KCNT2: variants seen among roughly 807,000 people sequenced by gnomAD.
KCNT2 encodes the protein potassium sodium-activated channel subfamily T member 2, also known as potassium channel subfamily T member 2.
A neutral mutation model predicts 153.8 loss-of-function variants in KCNT2; 67 were observed. The observed-to-expected ratio is 0.44, with a 90% CI of 0.36 to 0.53. The LOEUF is 0.53. Ranked by LOEUF, KCNT2 falls within the 20% of genes least tolerant of loss-of-function variation. KCNT2 has a pLI of 0.00. For missense variants in KCNT2, 975 were observed against 1,354.8 expected (o/e 0.72, Z 4.40); for synonymous variants, 500 against 458.8 (o/e 1.09, Z -1.15).
At chr1:196,527,825 C>T (rs1212029670) in intron 1 of KCNT2, among the ~76,000 whole-genome samples, 1 of 152,188 alleles carries the variant, frequency 6.6e-6, no homozygotes, top group Non-Finnish European at 1.5e-5. Context: ...CTTTCACACA[C>T]AGTGACAGAG....
At chr1:196,284,408 GT>G (rs1659458959) in intron 23 of KCNT2, among the ~76,000 whole-genome samples, 2 of 149,078 alleles carry the variant, frequency 1.3e-5, no homozygotes, top group African/African-American at 4.9e-5. Flanking sequence ...CTATAGAACA[GT>G]TTTTAGAACA....
At chr1:196,432,238 T>A (rs1017654746) in intron 8 of KCNT2, among the ~76,000 whole-genome samples, 1 of 152,120 alleles carries the variant, frequency 6.6e-6, no homozygotes, top group African/African-American at 2.4e-5. Context: ...CATGGTGACC[T>A]TTCCTCTAGA....
intron 13 of KCNT2, among the ~76,000 whole-genome samples, chr1:196,397,382 G>T (rs527368474): frequency 1.3e-4 from 20 of 151,628 alleles, no homozygotes; most frequent in Admixed American, 1.1e-3. Flanking sequence ...ACAGGTTGTA[G>T]ATGGAGTACT....
intron 1 of KCNT2, among the ~76,000 whole-genome samples, chr1:196,548,202 T>A (rs1657377148): frequency 6.6e-6 from 1 of 152,038 alleles, no homozygotes; most frequent in South Asian, 2.1e-4. Context: ...TTTATAGTTC[T>A]TTAAAGTATT....
intron 21 of KCNT2, among the ~76,000 whole-genome samples, chr1:196,307,649 G>A (rs1661761363): frequency 6.6e-6 from 1 of 152,036 alleles, no homozygotes; most frequent in African/African-American, 2.4e-5. Flanking sequence ...TTGATGAAGA[G>A]GGCACTGAAT....
At chr1:196,330,199 C>T (rs574550182) in intron 18 of KCNT2, among the ~76,000 whole-genome samples, 2 of 151,034 alleles carry the variant, frequency 1.3e-5, no homozygotes, top group South Asian at 2.1e-4. Flanking sequence ...TCAAGAGTGA[C>T]AGTAATAGTC....
chr1:196,526,968 C>A (rs1051751083), intron 1 of KCNT2, among the ~76,000 whole-genome samples: 1 of 152,150 alleles, frequency 6.6e-6, no homozygotes, highest in African/African-American at 2.4e-5. Context: ...CTGAGCTCCA[C>A]CTCCTGCAGC....
chr1:196,463,320 G>C, intron 8 of KCNT2, among the ~76,000 whole-genome samples: 1 of 151,702 alleles, frequency 6.6e-6, no homozygotes, highest in East Asian at 1.9e-4. Flanking sequence ...TGTTGAACTT[G>C]AATGAAACTT....
At chr1:196,389,815 C>G (rs1264962603) in intron 13 of KCNT2, among the ~76,000 whole-genome samples, 1 of 151,542 alleles carries the variant, frequency 6.6e-6, no homozygotes, top group African/African-American at 2.4e-5. Flanking sequence ...TTAGAGTACC[C>G]TTTGCTCTGG....
At chr1:196,469,724 T>C (rs1241314942) in intron 5 of KCNT2, among the ~76,000 whole-genome samples, 1 of 152,146 alleles carries the variant, frequency 6.6e-6, no homozygotes, top group Non-Finnish European at 1.5e-5. Flanking sequence ...TGGAACCTTG[T>C]GCTGACCCTG....
intron 14 of KCNT2, among the ~76,000 whole-genome samples, chr1:196,371,220 CAAAAAAAAA>C (rs952744388): frequency 1.4e-4 from 3 of 21,934 alleles, no homozygotes; most frequent in African/African-American, 3.0e-4. Flanking sequence ...CCCGTCACTA[CAAAAAAAAA>C]AAAAAAAAAA....
At chr1:196,294,570 G>A (rs967870296) in intron 22 of KCNT2, among the ~76,000 whole-genome samples, 2 of 152,100 alleles carry the variant, frequency 1.3e-5, no homozygotes, top group African/African-American at 4.8e-5. Context: ...CACTGCGCCC[G>A]GCCAAGACAG....
chr1:196,257,014 T>C (rs1041944649), intron 26 of KCNT2, among the ~76,000 whole-genome samples: 4 of 152,138 alleles, frequency 2.6e-5, no homozygotes, highest in African/African-American at 9.6e-5. Context: ...CAGATGAATC[T>C]GGACTACATT....
At chr1:196,391,555 AG>A (rs1670496921) in intron 13 of KCNT2, among the ~76,000 whole-genome samples, 5 of 151,406 alleles carry the variant, frequency 3.3e-5, no homozygotes. Context: ...GATAAACAAA[AG>A]ATTATTTTAG....
chr1:196,427,522 G>T (rs577527817), intron 10 of KCNT2, among the ~76,000 whole-genome samples: 5 of 151,950 alleles, frequency 3.3e-5, no homozygotes, highest in Non-Finnish European at 7.4e-5. Flanking sequence ...AAATATTCAA[G>T]AATTTTATCT....
chr1:196,323,879 A>T (rs1227092813), intron 19 of KCNT2, among the ~76,000 whole-genome samples: 2 of 151,824 alleles, frequency 1.3e-5, no homozygotes, highest in East Asian at 3.9e-4. Flanking sequence ...GAAATATTGT[A>T]AAGAAGAAAG....
intron 1 of KCNT2, among the ~76,000 whole-genome samples, chr1:196,597,932 G>A (rs1212369556): frequency 6.6e-6 from 1 of 152,086 alleles, no homozygotes; most frequent in Non-Finnish European, 1.5e-5. Flanking sequence ...TCCCTGCATA[G>A]TGTTTTCATT....
At chr1:196,364,665 G>A (rs1157204542) in intron 14 of KCNT2, among the ~76,000 whole-genome samples, 1 of 152,046 alleles carries the variant, frequency 6.6e-6, no homozygotes, top group East Asian at 1.9e-4. Flanking sequence ...ATGAAATCTT[G>A]AAAGCTAAGC....
At chr1:196,317,614 T>C (rs1429657704) in intron 20 of KCNT2, among the ~76,000 whole-genome samples, 2 of 151,560 alleles carry the variant, frequency 1.3e-5, no homozygotes, top group East Asian at 1.9e-4. Flanking sequence ...TAATTACCTA[T>C]ATAGGAAAAG....
Sources: allele counts gnomAD v4.1 joint callset (sites outside exome capture counted in the v4.1 genomes callset), GRCh38; gene constraint gnomAD v4.1.1; transcripts MANE v1.5; gene names NCBI Gene and HGNC (gene_info 2026-07-23, HGNC 2026-07-21).